Variants in GNB5 observed in about 807,000 individuals in gnomAD.
The protein encoded by GNB5 is G protein subunit beta 5.
In GNB5, 37 loss-of-function variants were observed where a neutral mutation model predicts 55.3. That is an observed-to-expected ratio of 0.67 (90% CI 0.51 to 0.88). The LOEUF (loss-of-function observed/expected upper bound fraction) is 0.88. Ranked by LOEUF, GNB5 falls within the 40% of genes least tolerant of loss-of-function variation. GNB5 has a pLI of 0.00. For synonymous variants in GNB5, 219 were observed against 198.5 expected (o/e 1.10, Z -0.87); for missense variants, 476 against 515.3 (o/e 0.92, Z 0.74).
At chr15:52,142,621 G>C in intron 6 of GNB5, among the ~76,000 whole-genome samples, 1 of 151,438 alleles carries the variant, frequency 6.6e-6, no homozygotes, top group Non-Finnish European at 1.5e-5. Flanking sequence ...TTACTTTCTA[G>C]AACAAGAAAA....
At chr15:52,137,733 G>A in intron 7 of GNB5, 1 of 1,190,928 alleles carries the variant, frequency 8.4e-7, no homozygotes, top group Non-Finnish European at 1.1e-6. Context: ...TGAGGACTCA[G>A]GGTTCGGGGC....
intron 3 of GNB5, among the ~76,000 whole-genome samples, chr15:52,176,528 C>T (rs747901528): frequency 4.6e-5 from 7 of 152,098 alleles, no homozygotes; most frequent in Non-Finnish European, 5.9e-5. Flanking sequence ...AGGAGCTGGG[C>T]GAGTCTGGGC....
chr15:52,154,002 C>T lies in GNB5; in HGVS notation c.313G>A (p.Gly105Arg), dbSNP rs1397932346. ...MKTRRTLKGH[G>R]NKVLCMDWCK... The stretch of plus-strand genomic sequence containing the variant: ...CAGTCCATGCACAGGACTTTGTTCC[C>T]GTGGCCTTTGAGGGTCCTTCTGGTC... Residue 105 changes from glycine to arginine, a missense_variant, in exon 4 of 13, where the codon GGG (glycine) becomes AGG (arginine). Transcript: ENST00000261837. 1.3e-5 allele frequency: 21 copies of T among 1,613,978 alleles called. No individual in the cohort carries two copies. Among genetic ancestry groups the T allele is most frequent in the Non-Finnish European group, 1.8e-5 (21 of 1,179,942 alleles).
At chr15:52,141,994 A>T (rs1264319514) in intron 6 of GNB5, among the ~76,000 whole-genome samples, 1 of 152,226 alleles carries the variant, frequency 6.6e-6, no homozygotes, top group Non-Finnish European at 1.5e-5. Flanking sequence ...GTTGTTCATG[A>T]CAGGAAATCT....
intron 9 of GNB5, among the ~76,000 whole-genome samples, chr15:52,129,608 C>T (rs1271115704): frequency 6.6e-6 from 1 of 152,126 alleles, no homozygotes. Flanking sequence ...CATTTGGGGC[C>T]ACATGGGCTA....
chr15:52,179,546 G>T (rs1041981055), intron 3 of GNB5, among the ~76,000 whole-genome samples: 4 of 151,810 alleles, frequency 2.6e-5, no homozygotes, highest in Non-Finnish European at 4.4e-5. Flanking sequence ...GGGTCGGCCA[G>T]GTGCCCGGAC....
At chr15:52,131,848 A>G (rs1347239350) in intron 9 of GNB5, among the ~76,000 whole-genome samples, 7 of 152,220 alleles carry the variant, frequency 4.6e-5, no homozygotes, top group African/African-American at 1.7e-4. Context: ...TCTCAACAGT[A>G]CCATCTTTCA....
chr15:52,170,184 A>T (rs780693209), intron 3 of GNB5, among the ~76,000 whole-genome samples: 15 of 152,240 alleles, frequency 9.9e-5, no homozygotes, highest in Non-Finnish European at 1.8e-4. Flanking sequence ...AGAAGCAGAA[A>T]TGCCATTTGA....
intron 3 of GNB5, among the ~76,000 whole-genome samples, chr15:52,171,944 G>A (rs75278458): frequency 0.036 from 5,470 of 152,258 alleles, 132 homozygotes; most frequent in Non-Finnish European, 0.056. Context: ...AACAATATTA[G>A]CATCTGCCTC....
intron 3 of GNB5, 91 bp from the exon 4 acceptor site, chr15:52,154,167 G>A (rs1432016143): frequency 5.5e-6 from 7 of 1,277,430 alleles, no homozygotes; most frequent in Admixed American, 2.6e-5. Context: ...TCCGCAGAGG[G>A]AGGCGGCCCC....
At chr15:52,171,639 G>C (rs2034556843) in intron 3 of GNB5, among the ~76,000 whole-genome samples, 1 of 152,188 alleles carries the variant, frequency 6.6e-6, no homozygotes, top group Non-Finnish European at 1.5e-5. Flanking sequence ...TGACTGTAGA[G>C]AAACCGACTT....
chr15:52,171,249 T>C (rs1004418069), intron 3 of GNB5, among the ~76,000 whole-genome samples: 6 of 152,056 alleles, frequency 3.9e-5, no homozygotes, highest in Non-Finnish European at 8.8e-5. Context: ...TTAAAAGAAA[T>C]GTAAATGACA....
At chr15:52,135,956 T>C in intron 7 of GNB5, 200 bp from the exon 8 acceptor site, 1 of 520,392 alleles carries the variant, frequency 1.9e-6, no homozygotes, top group South Asian at 2.4e-5. Context: ...AAGGAAAGAG[T>C]GCATTTCCTA....
At position 52,147,459 on chromosome 15, in the gene GNB5, C is replaced by G; in HGVS notation, c.494G>C (p.Gly165Ala). The change falls in exon 6 of 13, where the codon GGT becomes GCT. Residue 165 changes from glycine to alanine, a missense_variant and splice_region_variant. Gly to Ala is a moderately conservative substitution (Grantham distance 60). Coordinates refer to ENST00000261837, the MANE Select transcript of GNB5 (RefSeq NM_016194.4). ...AAAAGCTGCTGTAGCTCCAACTTAC[C>G]CACAAGCAATGGCACATCCCGATGG... ...YAPSGCAIAC[G>A]GLDNKCSVYP... 6.4e-7 allele frequency: 1 copy of G among 1,574,058 alleles called. No homozygotes were observed. The highest frequency in any genetic ancestry group is 1.3e-5 in the African/African-American group (1 of 74,230).
At chr15:52,148,939 A>C (rs904032933) in intron 5 of GNB5, among the ~76,000 whole-genome samples, 8 of 152,242 alleles carry the variant, frequency 5.3e-5, no homozygotes, top group African/African-American at 1.9e-4. Flanking sequence ...TCTGTGCTCT[A>C]TGCCAGGATA....
Position 52,117,628 on chromosome 15 carries a change from G to C in GNB5, c.*5129C>G, listed in dbSNP as rs957270369. Reference sequence around the variant, plus strand: ...CTGACCAACCCTGAAGGCCAGCCTGGCTCCAGCCAAGTGCTGTCTAGAAGC... The same window carrying C: ...CTGACCAACCCTGAAGGCCAGCCTGCCTCCAGCCAAGTGCTGTCTAGAAGC... On this transcript the variant is annotated 3_prime_UTR_variant, in exon 13 of 13. Coordinates refer to ENST00000261837, the MANE Select transcript of GNB5 (RefSeq NM_016194.4). 1.3e-5 allele frequency: 2 copies of C among 152,344 alleles called. No homozygotes were observed. The highest frequency in any genetic ancestry group is 4.8e-5 in the African/African-American group (2 of 41,476). The allele number at this position is 152,344 out of a possible 1,614,324, so 9.4% of individuals were successfully genotyped here.
intron 9 of GNB5, 81 bp downstream of exon 9, chr15:52,133,297 G>C (rs755565925): frequency 7.7e-6 from 7 of 913,342 alleles, no homozygotes; most frequent in African/African-American, 1.6e-5. Flanking sequence ...TGAGTCTGGA[G>C]GCGGTTCCTG....
chr15:52,176,351 G>A (rs544539969), intron 3 of GNB5, among the ~76,000 whole-genome samples: 365 of 152,344 alleles, frequency 2.4e-3, no homozygotes, highest in Non-Finnish European at 4.6e-3. Flanking sequence ...AAGCCTGCTC[G>A]CTCATCGCAC....
chr15:52,148,060 C>CAA (rs386382991), intron 5 of GNB5, among the ~76,000 whole-genome samples: 17,405 of 135,356 alleles, frequency 0.13, 1,154 homozygotes, highest in East Asian at 0.2. Flanking sequence ...CTAGCAAAAG[C>CAA]AAAAAAAAAA....
Sources: gnomAD v4.1 joint callset for allele counts (sites outside exome capture counted in the v4.1 genomes callset) on GRCh38, gnomAD v4.1.1 for gene constraint, MANE v1.5 for transcripts, NCBI Gene and HGNC (gene_info 2026-07-23, HGNC 2026-07-21) for gene names.